EYA2: variants seen among roughly 807,000 people sequenced by gnomAD.
EYA2 encodes the protein EYA transcriptional coactivator and phosphatase 2, also known as protein phosphatase EYA2.
EYA2 carries 31 observed loss-of-function variants against 69.2 expected under a neutral mutation model. That is an observed-to-expected ratio of 0.45 (90% CI 0.34 to 0.60). EYA2 has a LOEUF of 0.60. EYA2 is among the 20% of genes least tolerant of loss of function. EYA2 has a pLI of 0.02. For synonymous variants in EYA2, 257 were observed against 279.4 expected (o/e 0.92, Z 0.80); for missense variants, 622 against 701.2 (o/e 0.89, Z 1.28).
intron 1 of EYA2, among the ~76,000 whole-genome samples, chr20:46,940,646 G>C (rs149926205): frequency 4.6e-5 from 7 of 152,344 alleles, no homozygotes; most frequent in Admixed American, 3.3e-4. Context: ...TCTTGTCCCT[G>C]AGGGGTTAAA....
chr20:46,925,504 A>G (rs1165668725), intron 1 of EYA2, among the ~76,000 whole-genome samples: 1 of 152,224 alleles, frequency 6.6e-6, no homozygotes, highest in African/African-American at 2.4e-5. Context: ...AGTAACAATA[A>G]TCCATTAGAG....
At chr20:47,156,085 TACATAC>T (rs1568813924) in intron 10 of EYA2, among the ~76,000 whole-genome samples, 1 of 28,790 alleles carries the variant, frequency 3.5e-5, no homozygotes, top group African/African-American at 1.9e-4. Flanking sequence ...CACATATATA[TACATAC>T]ACACACACAC....
intron 5 of EYA2, among the ~76,000 whole-genome samples, chr20:47,069,060 A>G (rs2031216641): frequency 6.6e-6 from 1 of 152,208 alleles, no homozygotes; most frequent in Non-Finnish European, 1.5e-5. Flanking sequence ...GCCTCATCTT[A>G]TAAAAGAAGT....
At chr20:46,973,543 GT>G (rs1225894858) in intron 1 of EYA2, among the ~76,000 whole-genome samples, 1 of 152,192 alleles carries the variant, frequency 6.6e-6, no homozygotes, top group Non-Finnish European at 1.5e-5. Context: ...AATCTCCATA[GT>G]TTTAAATGAG....
At chr20:47,041,723 G>A (rs907420655) in intron 5 of EYA2, among the ~76,000 whole-genome samples, 2 of 152,182 alleles carry the variant, frequency 1.3e-5, no homozygotes, top group Non-Finnish European at 2.9e-5. Context: ...CACGGGAGGG[G>A]AGTTTTAGGA....
intron 5 of EYA2, among the ~76,000 whole-genome samples, chr20:47,020,407 TA>T (rs1305517024): frequency 6.6e-6 from 1 of 152,220 alleles, no homozygotes; most frequent in Non-Finnish European, 1.5e-5. Context: ...GAATATACAA[TA>T]AATGTAAAAG....
intron 10 of EYA2, chr20:47,161,603 T>G (rs2034067502): frequency 7.9e-6 from 2 of 253,368 alleles, no homozygotes; most frequent in Admixed American, 5.0e-5. Context: ...CCGGGCCCTG[T>G]CCGCGGCTAT....
intron 1 of EYA2, among the ~76,000 whole-genome samples, chr20:46,935,832 C>T (rs891637709): frequency 5.9e-5 from 9 of 151,644 alleles, no homozygotes; most frequent in African/African-American, 9.7e-5. Context: ...GTTATAATAA[C>T]ATAGATTATA....
At chr20:47,021,321 G>A (rs1297538019) in intron 5 of EYA2, among the ~76,000 whole-genome samples, 1 of 152,016 alleles carries the variant, frequency 6.6e-6, no homozygotes, top group East Asian at 1.9e-4. Context: ...AGTGAACTCT[G>A]TGTTGTAGGG....
intron 1 of EYA2, among the ~76,000 whole-genome samples, chr20:46,983,797 T>A (rs372070471): frequency 7.7e-4 from 118 of 152,326 alleles, no homozygotes; most frequent in African/African-American, 2.8e-3. Flanking sequence ...CTGTTGCTTT[T>A]TTTCTTCTTT....
At chr20:47,179,547 T>C (rs985121294) in intron 12 of EYA2, among the ~76,000 whole-genome samples, 4 of 126,032 alleles carry the variant, frequency 3.2e-5, no homozygotes, top group Middle Eastern at 4.0e-3. Flanking sequence ...GATGGGTGGA[T>C]AGGTGGGTGG....
At position 46,903,570 on chromosome 20, in the gene EYA2, C is replaced by T. The variant is rs146671923; in HGVS notation, c.-11+8583C>T. Among the ~76,000 whole-genome samples, 78 of 152,314 alleles carry T rather than the reference C, an allele frequency of 5.1e-4. 2 individuals are homozygous for T. The highest frequency in any genetic ancestry group is 1.8e-3 in the African/African-American group (73 of 41,560). On this transcript the variant is annotated intron_variant, in intron 1 of 15. Transcript: ENST00000327619. Reference sequence around the variant, plus strand: ...AGGCTGCTCAGGTTACACTTCCCCTCAGTGTTAACCTACTCCTGCGTTTAA... The same window carrying T: ...AGGCTGCTCAGGTTACACTTCCCCTTAGTGTTAACCTACTCCTGCGTTTAA...
intron 12 of EYA2, among the ~76,000 whole-genome samples, chr20:47,177,614 C>T (rs8184673): frequency 0.41 from 62,460 of 152,098 alleles, 13,388 homozygotes; most frequent in Non-Finnish European, 0.48. Context: ...TGAGGGGGCA[C>T]GTGGTCCAGG....
chr20:46,906,639 A>G (rs1257582802), intron 1 of EYA2, among the ~76,000 whole-genome samples: 1 of 152,238 alleles, frequency 6.6e-6, no homozygotes, highest in African/African-American at 2.4e-5. Context: ...CAATAATTCT[A>G]CGATGAAAGT....
intron 1 of EYA2, among the ~76,000 whole-genome samples, chr20:46,956,651 T>C (rs1443313988): frequency 6.6e-6 from 1 of 152,248 alleles, no homozygotes; most frequent in Non-Finnish European, 1.5e-5. Flanking sequence ...AGTCACTGGC[T>C]GGACCTAACT....
chr20:46,936,394 C>A (rs1329086263), intron 1 of EYA2, among the ~76,000 whole-genome samples: 1 of 152,162 alleles, frequency 6.6e-6, no homozygotes, highest in Non-Finnish European at 1.5e-5. Flanking sequence ...TCGCTTGAAC[C>A]CGGGAGGCAG....
chr20:47,146,418 G>C (rs80198114), intron 10 of EYA2, among the ~76,000 whole-genome samples: 7,593 of 152,192 alleles, frequency 0.05, 583 homozygotes, highest in East Asian at 0.17. Context: ...TGCTGTTTCT[G>C]TCTGGCCCCT....
chr20:46,961,343 A>T (rs1979466143), intron 1 of EYA2, among the ~76,000 whole-genome samples: 1 of 152,136 alleles, frequency 6.6e-6, no homozygotes, highest in South Asian at 2.1e-4. Context: ...TAAATAAATA[A>T]ATTTATTTTA....
chr20:47,002,924 A>G (rs1033944573), intron 3 of EYA2, among the ~76,000 whole-genome samples: 1 of 152,250 alleles, frequency 6.6e-6, no homozygotes, highest in Non-Finnish European at 1.5e-5. Context: ...AAAGAAGGGC[A>G]TAGGGACATC....
Sources: gnomAD v4.1 joint callset for allele counts (sites outside exome capture counted in the v4.1 genomes callset) on GRCh38, gnomAD v4.1.1 for gene constraint, MANE v1.5 for transcripts, NCBI Gene and HGNC (gene_info 2026-07-23, HGNC 2026-07-21) for gene names.